The following IL12B variants were observed in gnomAD, a reference collection of about 807,000 sequenced individuals.
IL12B encodes interleukin-12 subunit beta.
Under a neutral mutation model 39.2 loss-of-function variants are expected in IL12B, and 27 were observed. The ratio of observed to expected loss-of-function variants is 0.69; its 90% CI spans 0.51 to 0.95. The LOEUF (loss-of-function observed/expected upper bound fraction) is 0.95. IL12B is among the 40% of genes least tolerant of loss of function. The probability of loss-of-function intolerance (pLI) is 0.00; values close to 1 mark genes in which losing one functional copy is unlikely to be tolerated. For synonymous variants in IL12B, 142 were observed against 152.1 expected (o/e 0.93, Z 0.49); for missense variants, 351 against 397.6 (o/e 0.88, Z 1.00).
At chr5:159,321,621 G>A (rs995069462) in intron 4 of IL12B, among the ~76,000 whole-genome samples, 2 of 152,122 alleles carry the variant, frequency 1.3e-5, no homozygotes, top group African/African-American at 4.8e-5. Context: ...TTAAGCAAGA[G>A]TATAGTGTAC....
intron 4 of IL12B, 26 bp downstream of exon 4, chr5:159,322,368 T>C: frequency 7.3e-7 from 1 of 1,361,214 alleles, no homozygotes; most frequent in Non-Finnish European, 1.1e-6. Context: ...AGAAAAATGC[T>C]GAGAAACCAG....
intron 7 of IL12B, 86 bp from the exon 8 acceptor site, chr5:159,316,186 A>G (rs1190427538): frequency 6.1e-6 from 1 of 164,790 alleles, no homozygotes; most frequent in Non-Finnish European, 1.3e-5. Flanking sequence ...GATCCTGGGC[A>G]ACTGGGTTTC....
Position 159,315,750 on chromosome 5 carries a change from G to C in IL12B, c.*351C>G, listed in dbSNP as rs568500425. The C allele has an allele frequency of 1.3e-5, 2 of 152,872 alleles. No homozygotes were observed. Among genetic ancestry groups the C allele is most frequent in the East Asian group, 3.8e-4 (2 of 5,310 alleles). The allele number at this position is 152,872 out of a possible 1,614,324, so 9.5% of individuals were successfully genotyped here. A position where few individuals can be genotyped will look rare whatever the true frequency, so the allele number is the denominator to read the frequency against. On this transcript the variant is annotated 3_prime_UTR_variant, in exon 8 of 8. Transcript: ENST00000231228. ...ATTCACATTTTGCATAATAGGGACT[G>C]ATCCTGATGGATCAGGTCATAAGAG...
intron 2 of IL12B, among the ~76,000 whole-genome samples, chr5:159,324,326 G>T (rs1227182988): frequency 1.3e-5 from 2 of 152,174 alleles, no homozygotes; most frequent in African/African-American, 4.8e-5. Context: ...GCTTAGTATA[G>T]TATTTCAGAG....
rs969312431 is a variant in IL12B at position 159,315,203 on chromosome 5, T to A, written c.*898A>T. On this transcript the variant is annotated 3_prime_UTR_variant, in exon 8 of 8. Transcript: ENST00000231228. ...AGCTGAATTTTAATTTCAATCATTT[T>A]TTTTTTTGAGACAGGGTCTCATTCT... 6.6e-6 allele frequency: 1 copy of A among 152,464 alleles called. No homozygotes were observed. The highest frequency in any genetic ancestry group is 2.1e-4 in the South Asian group (1 of 4,820). The allele number at this position is 152,464 out of a possible 1,614,324, so 9.4% of individuals were successfully genotyped here.
At chr5:159,327,317 T>G (rs1029383857) in intron 1 of IL12B, among the ~76,000 whole-genome samples, 5 of 152,314 alleles carry the variant, frequency 3.3e-5, no homozygotes, top group Middle Eastern at 3.4e-3. Flanking sequence ...GCTGGGGAGA[T>G]GAGCCATACA....
Position 159,322,456 on chromosome 5 carries a change from GA to G in IL12B, c.419del (p.Phe140SerfsTer6). The G allele has an allele frequency of 6.2e-7, 1 of 1,614,018 alleles. No individual in the cohort carries two copies. On this transcript the variant is annotated frameshift_variant, in exon 4 of 8. Transcript: ENST00000231228. LOFTEE classifies it high-confidence loss of function. ...TGATTGTCGTCAGCCACCAGCAGGT[GA>G]AACGTCCAGAATAATTCTTGGCCTC... ...RCEAKNYSGR[F>X]TCWWLTTIST...
chr5:159,320,414 T>C lies in IL12B; in HGVS notation c.589A>G (p.Ser197Gly). Residue 197 changes from serine (S) to glycine (G), a missense_variant, in exon 5 of 8, where the codon AGT becomes GGT. Coordinates refer to ENST00000231228, the MANE Select transcript of IL12B (RefSeq NM_002187.3). ...CTCTCCTCAGCAGCTGGGCAGGCAC[T>C]GTCCTCCTGGCACTCCACTGAGTAC... ...YEYSVECQEDSACPAAEESLP... is the reference protein window; with the variant it reads ...YEYSVECQEDGACPAAEESLP... The C allele has an allele frequency of 1.2e-6, 2 of 1,614,150 alleles. No individual in the cohort carries two copies. The highest frequency in any genetic ancestry group is 1.7e-5 in the Admixed American group (1 of 60,014).
chr5:159,315,760 G>A lies in IL12B; in HGVS notation c.*341C>T, dbSNP rs1753979065. 2 of 152,706 alleles carry A rather than the reference G, an allele frequency of 1.3e-5. No individual in the cohort carries two copies. Among genetic ancestry groups the A allele is most frequent in the African/African-American group, 4.8e-5 (2 of 41,406 alleles). 9.5% of individuals were successfully genotyped at this position (152,706 alleles called of 1,614,324 possible). A position where few individuals can be genotyped will look rare whatever the true frequency, so the allele number is the denominator to read the frequency against. ...TGCATAATAGGGACTGATCCTGATG[G>A]ATCAGGTCATAAGAGTATGAAACAT... On this transcript the variant is annotated 3_prime_UTR_variant, in exon 8 of 8. Transcript: ENST00000231228.
In IL12B at chr5:159,320,456, C is replaced by T. The variant is rs1754067458; in HGVS notation, c.547G>A (p.Asp183Asn). The T allele has an allele frequency of 1.2e-6, 2 of 1,614,116 alleles. No individual in the cohort carries two copies. The highest frequency in any genetic ancestry group is 1.7e-6 in the Non-Finnish European group (2 of 1,179,980). The change falls in exon 5 of 8, where the codon GAC becomes AAC. Residue 183 changes from aspartate (D) to asparagine (N), a missense_variant. Transcript: ENST00000231228. ...ATLSAERVRG[D>N]NKEYEYSVEC... ...ACTGAGTACTCATACTCCTTGTTGT[C>T]CCCTCTGACTCTCTCTGCAGAGAGT...
chr5:159,318,810 T>C lies in IL12B; in HGVS notation c.781A>G (p.Thr261Ala). ...QVEVSWEYPD[T>A]WSTPHSYFSL... The stretch of plus-strand genomic sequence containing the variant: ...AAGTAGGAATGTGGAGTACTCCAGG[T>C]GTCAGGGTACTCCCAGCTGACCTCC... Residue 261 changes from threonine to alanine, a missense_variant, in exon 6 of 8, where the codon ACC (threonine) becomes GCC (alanine). By Grantham distance (58) the Thr-to-Ala change is moderately conservative. Transcript: ENST00000231228. 6.2e-7 allele frequency: 1 copy of C among 1,613,208 alleles called. No individual in the cohort carries two copies. Among genetic ancestry groups the C allele is most frequent in the Non-Finnish European group, 8.5e-7 (1 of 1,179,118 alleles).
rs1159434412 is a variant in IL12B, at chr5:159,315,262, G to A, written c.*839C>T. 2.6e-5 allele frequency: 4 copies of A among 151,798 alleles called. No individual in the cohort carries two copies. Among genetic ancestry groups the A allele is most frequent in the Non-Finnish European group, 5.9e-5 (4 of 68,016 alleles). The allele number at this position is 151,798 out of a possible 1,614,324, so 9.4% of individuals were successfully genotyped here. ...GGCTGGTATGCAGTGGCACAATCAC[G>A]GCTCACCATAGCCTTGACCTCCTGG... On this transcript the variant is annotated 3_prime_UTR_variant, in exon 8 of 8. Transcript: ENST00000231228.
In IL12B at chr5:159,314,931, T is replaced by C. The variant is rs926061045; in HGVS notation, c.*1170A>G. 1 of 152,382 alleles carries C rather than the reference T, an allele frequency of 6.6e-6. No individual in the cohort carries two copies. Among genetic ancestry groups the C allele is most frequent in the African/African-American group, 2.4e-5 (1 of 41,462 alleles). 9.4% of individuals were successfully genotyped at this position (152,382 alleles called of 1,614,324 possible). ...TTCATGGAGCCATATTTTCTGGTCA[T>C]AATTGTGTATCAGGTTCATTCATGC... On this transcript the variant is annotated 3_prime_UTR_variant, in exon 8 of 8. Transcript: ENST00000231228.
intron 6 of IL12B, among the ~76,000 whole-genome samples, chr5:159,317,843 A>G (rs1424463791): frequency 6.6e-6 from 1 of 152,226 alleles, no homozygotes; most frequent in Non-Finnish European, 1.5e-5. Context: ...GGTCTCCTCT[A>G]TCAGGACTAA....
At chr5:159,322,734 A>G (rs1246193175) in intron 3 of IL12B, among the ~76,000 whole-genome samples, 2 of 152,196 alleles carry the variant, frequency 1.3e-5, no homozygotes, top group Non-Finnish European at 1.5e-5. Context: ...TTTGAAGGCT[A>G]TCACCCCAGT....
intron 1 of IL12B, among the ~76,000 whole-genome samples, chr5:159,330,139 T>C (rs1192908263): frequency 6.6e-6 from 1 of 152,200 alleles, no homozygotes; most frequent in African/African-American, 2.4e-5. Context: ...CTTTTATACA[T>C]CAATACACAC....
At chr5:159,329,215 G>C (rs780522037) in intron 1 of IL12B, among the ~76,000 whole-genome samples, 1 of 152,122 alleles carries the variant, frequency 6.6e-6, no homozygotes, top group Non-Finnish European at 1.5e-5. Flanking sequence ...AGAAAAGGGA[G>C]TTATTATTAA....
chr5:159,326,605 C>T (rs1754193939), intron 2 of IL12B, 90 bp downstream of exon 2: 2 of 877,902 alleles, frequency 2.3e-6, no homozygotes, highest in South Asian at 1.3e-5. Context: ...TGCATGGTTG[C>T]CCATTTCAGT....
chr5:159,325,481 T>A (rs1754169527), intron 2 of IL12B: 1 of 152,246 alleles, frequency 6.6e-6, no homozygotes, highest in African/African-American at 2.4e-5. Context: ...TTATTTCTGA[T>A]CATCAGCTGA....
Sources: gnomAD v4.1 joint callset for allele counts (sites outside exome capture counted in the v4.1 genomes callset) on GRCh38, gnomAD v4.1.1 for gene constraint, MANE v1.5 for transcripts, NCBI Gene and HGNC (gene_info 2026-07-23, HGNC 2026-07-21) for gene names.